Variants in GNG4 observed in about 807,000 individuals in gnomAD.
GNG4 encodes the protein guanine nucleotide-binding protein G(I)/G(S)/G(O) subunit gamma-4.
Under a neutral mutation model 5.8 loss-of-function variants are expected in GNG4, and 4 were observed. That is an observed-to-expected ratio of 0.69 (90% CI 0.34 to 1.57). The LOEUF (loss-of-function observed/expected upper bound fraction) is 1.57, where lower values mean the gene tolerates loss of function less well. GNG4 is among the 40% of genes most tolerant of loss of function. GNG4 has a pLI of 0.06. For missense variants in GNG4, 96 were observed against 95.1 expected (o/e 1.01, Z -0.04); for synonymous variants, 29 against 32.9 (o/e 0.88, Z 0.41).
At chr1:235,600,778 T>C (rs1688241999) in intron 1 of GNG4, among the ~76,000 whole-genome samples, 1 of 152,226 alleles carries the variant, frequency 6.6e-6, no homozygotes, top group Non-Finnish European at 1.5e-5. Flanking sequence ...AAAGCTTTTC[T>C]TCCCTCTCAA....
Position 235,557,838 on chromosome 1 carries a change from T to C in GNG4, c.100-5601A>G, listed in dbSNP as rs185413658. On this transcript the variant is annotated intron_variant, in intron 3 of 3. Coordinates refer to ENST00000391854, the MANE Select transcript of GNG4 (RefSeq NM_001098722.2). ...CAGGTTGGGCCCATGTTCCACTCCA[T>C]AGCAGAGTAACTTCTTCCCTTACAG... Among the ~76,000 whole-genome samples, 544 of 152,250 alleles carry C rather than the reference T, an allele frequency of 3.6e-3. 3 individuals carry two copies. Among genetic ancestry groups the C allele is most frequent in the Middle Eastern group, 6.8e-3 (2 of 294 alleles).
chr1:235,589,640 C>G (rs1687911456), intron 2 of GNG4, among the ~76,000 whole-genome samples: 1 of 152,182 alleles, frequency 6.6e-6, no homozygotes, highest in African/African-American at 2.4e-5. Context: ...CCTTGTCCTC[C>G]TCAATGGGAC....
chr1:235,594,801 C>T (rs560724186), intron 2 of GNG4, among the ~76,000 whole-genome samples: 13 of 152,342 alleles, frequency 8.5e-5, no homozygotes, highest in African/African-American at 2.4e-4. Context: ...AGCCAGCTCC[C>T]GCCTTGGCCA....
intron 1 of GNG4, among the ~76,000 whole-genome samples, chr1:235,612,569 C>T (rs1688502505): frequency 6.6e-6 from 1 of 152,148 alleles, no homozygotes; most frequent in African/African-American, 2.4e-5. Context: ...GTCACCCAGG[C>T]TGGAGTGCAG....
At position 235,638,669 on chromosome 1, in the gene GNG4, C is replaced by G. The variant is rs568953372; in HGVS notation, c.-123+10993G>C. Among the ~76,000 whole-genome samples the G allele has an allele frequency of 1.5e-3, 231 of 152,174 alleles. 1 individual carries two copies. Among genetic ancestry groups the G allele is most frequent in the African/African-American group, 5.4e-3 (223 of 41,504 alleles). ...CTCCCTGCCCTTGCCCCTCACCCCC[C>G]AACAGGGCTCGGTGTGTGATGTTCC... is the stretch of plus-strand genomic sequence containing the variant. On this transcript the variant is annotated intron_variant, in intron 1 of 3. Transcript: ENST00000391854.
At chr1:235,559,163 G>T (rs1030049924) in intron 3 of GNG4, among the ~76,000 whole-genome samples, 11 of 152,178 alleles carry the variant, frequency 7.2e-5, no homozygotes, top group Non-Finnish European at 1.2e-4. Flanking sequence ...GGAATCAAAA[G>T]CATCTTGGTT....
chr1:235,572,415 G>T (rs1314514302), intron 3 of GNG4, among the ~76,000 whole-genome samples: 1 of 152,002 alleles, frequency 6.6e-6, no homozygotes, highest in Non-Finnish European at 1.5e-5. Context: ...GGCCAGGCTG[G>T]TCTCAAACTC....
At chr1:235,600,805 C>A (rs1019642430) in intron 1 of GNG4, among the ~76,000 whole-genome samples, 6 of 152,218 alleles carry the variant, frequency 3.9e-5, no homozygotes, top group African/African-American at 1.4e-4. Context: ...AAAATATATT[C>A]ATCTTTGAAA....
At chr1:235,624,152 G>C (rs559710761) in intron 1 of GNG4, among the ~76,000 whole-genome samples, 37 of 151,650 alleles carry the variant, frequency 2.4e-4, no homozygotes, top group African/African-American at 9.0e-4. Context: ...ACCCAGGCTG[G>C]AGTGCAGTGG....
Position 235,552,183 on chromosome 1 carries a change from C to A in GNG4, c.154G>T (p.Asp52Tyr), listed in dbSNP as rs751560166. 18 of 1,613,884 alleles carry A rather than the reference C, an allele frequency of 1.1e-5. No individual in the cohort carries two copies. Among genetic ancestry groups the A allele is most frequent in the Non-Finnish European group, 1.4e-5 (17 of 1,179,752 alleles). Residue 52 changes from aspartate to tyrosine, a missense_variant, in exon 4 of 4, where the codon GAT (aspartate) becomes TAT (tyrosine). Transcript: ENST00000391854. Reference sequence around the variant, plus strand: ...GCAGGCACTGGAATGATGAGAGGATCTTCCCGCACGTGAGCTTCACAGTAG... The same window carrying A: ...GCAGGCACTGGAATGATGAGAGGATATTCCCGCACGTGAGCTTCACAGTAG... ...LAYCEAHVRE[D>Y]PLIIPVPASE... is the part of the protein sequence containing the mutation.
chr1:235,630,967 C>T (rs375540834), intron 1 of GNG4, among the ~76,000 whole-genome samples: 48 of 151,884 alleles, frequency 3.2e-4, no homozygotes, highest in African/African-American at 1.1e-3. Flanking sequence ...GGCACGATCT[C>T]GGCTCACTGC....
Position 235,583,727 on chromosome 1 carries a change from C to T in GNG4, c.99+13G>A. 6.4e-7 allele frequency: 1 copy of T among 1,550,482 alleles called. No individual in the cohort carries two copies. The highest frequency in any genetic ancestry group is 8.9e-7 in the Non-Finnish European group (1 of 1,122,918). On this transcript the variant is annotated intron_variant, in intron 3 of 3. Transcript: ENST00000391854. ...CTTCGGGCGGAGGGTGGGGCTGACG[C>T]ATGCATGCTTACCTTGACCCTGTCC...
chr1:235,585,543 T>C (rs1347571611), intron 2 of GNG4, among the ~76,000 whole-genome samples: 1 of 152,248 alleles, frequency 6.6e-6, no homozygotes, highest in Non-Finnish European at 1.5e-5. Context: ...CTTTTGAACT[T>C]TGTTTTTATA....
At chr1:235,626,894 G>A (rs970433900) in intron 1 of GNG4, among the ~76,000 whole-genome samples, 1 of 135,436 alleles carries the variant, frequency 7.4e-6, no homozygotes, top group Non-Finnish European at 1.6e-5. Context: ...AGGAGGTGGA[G>A]TTTGCAGTGA....
chr1:235,617,889 T>TA (rs34128028), intron 1 of GNG4, among the ~76,000 whole-genome samples: 35,707 of 109,418 alleles, frequency 0.33, 5,817 homozygotes, highest in Middle Eastern at 0.42. Context: ...TGCCTCTATC[T>TA]AAAAAAAAAA....
At chr1:235,627,410 A>G (rs942583726) in intron 1 of GNG4, among the ~76,000 whole-genome samples, 1 of 151,956 alleles carries the variant, frequency 6.6e-6, no homozygotes, top group African/African-American at 2.4e-5. Context: ...TTTAGTAGAG[A>G]TGGGGTTTCA....
intron 2 of GNG4, among the ~76,000 whole-genome samples, chr1:235,592,291 A>C (rs1012352913): frequency 1.3e-5 from 2 of 152,160 alleles, no homozygotes; most frequent in Admixed American, 6.6e-5. Flanking sequence ...GGATCACTTG[A>C]GATCAGGAGT....
intron 3 of GNG4, among the ~76,000 whole-genome samples, chr1:235,564,815 A>G (rs1687153413): frequency 6.6e-6 from 1 of 152,118 alleles, no homozygotes; most frequent in Non-Finnish European, 1.5e-5. Flanking sequence ...CCCCCCGAGT[A>G]GCTGGGACCA....
At chr1:235,570,850 TTA>T (rs745340763) in intron 3 of GNG4, among the ~76,000 whole-genome samples, 6 of 140,124 alleles carry the variant, frequency 4.3e-5, no homozygotes, top group South Asian at 2.2e-4. Flanking sequence ...ATCCAGCTAA[TTA>T]TATATATATA....
Sources: gnomAD v4.1 joint callset for allele counts (sites outside exome capture counted in the v4.1 genomes callset) on GRCh38, gnomAD v4.1.1 for gene constraint, MANE v1.5 for transcripts, NCBI Gene and HGNC (gene_info 2026-07-23, HGNC 2026-07-21) for gene names.